The following NEDD4L variants were observed in gnomAD, a reference collection of about 807,000 sequenced individuals.
NEDD4L encodes the protein E3 ubiquitin-protein ligase NEDD4-like.
In NEDD4L, 54 loss-of-function variants were observed where a neutral mutation model predicts 148.9. That is an observed-to-expected ratio of 0.36 (90% confidence interval 0.29 to 0.45). The LOEUF is 0.45. Ranked by LOEUF, NEDD4L falls within the 20% of genes least tolerant of loss-of-function variation. NEDD4L has a pLI of 1.00. For missense variants in NEDD4L, 856 were observed against 1,233.8 expected, an observed-to-expected ratio of 0.69 and a Z score of 4.59; for synonymous variants, 433 against 440.7, an observed-to-expected ratio of 0.98 and a Z score of 0.22.
intron 5 of NEDD4L, among the ~76,000 whole-genome samples, chr18:58,285,397 C>T (rs1017131267): frequency 2.6e-5 from 4 of 151,372 alleles, no homozygotes; most frequent in Admixed American, 6.6e-5. Context: ...GGTGTGATCT[C>T]GGCTCACTGC....
intron 2 of NEDD4L, among the ~76,000 whole-genome samples, chr18:58,226,075 T>A (rs1000645543): frequency 3.3e-5 from 5 of 152,240 alleles, no homozygotes; most frequent in African/African-American, 1.2e-4. Context: ...AGCTATAAAC[T>A]CTTATGTATA....
intron 1 of NEDD4L, among the ~76,000 whole-genome samples, chr18:58,058,476 C>T (rs77244579): frequency 0.075 from 11,455 of 152,292 alleles, 578 homozygotes; most frequent in Middle Eastern, 0.19. Flanking sequence ...CAGTACCTCC[C>T]CATTCCCAGC....
intron 1 of NEDD4L, among the ~76,000 whole-genome samples, chr18:58,131,156 G>A (rs867359550): frequency 7.0e-4 from 95 of 136,630 alleles, no homozygotes; most frequent in African/African-American, 2.2e-3. Context: ...GTGATCTAGC[G>A]GAACTGTGGT....
In NEDD4L at chr18:58,255,412, ACCC is replaced by A. The variant is rs2048395026; in HGVS notation, c.297+3359_297+3361del. 4.4e-6 allele frequency: 4 copies of A among 917,888 alleles called. No individual in the cohort carries two copies. The East Asian group carries it at 1.4e-4, about 32-fold the overall frequency. 56.9% of individuals were successfully genotyped at this position (917,888 alleles called of 1,614,324 possible). A position where few individuals can be genotyped will look rare whatever the true frequency, so the allele number is the denominator to read the frequency against. ...GCGGTCATGTGGTTCTGGCCACCCT[ACCC>A]TCTGTCACAGTGTGGATGAGAGCTT... is the stretch of plus-strand genomic sequence containing the variant. On this transcript the variant is annotated intron_variant, in intron 5 of 30. Coordinates refer to ENST00000400345, the MANE Select transcript of NEDD4L (RefSeq NM_001144967.3).
intron 2 of NEDD4L, among the ~76,000 whole-genome samples, chr18:58,196,569 C>T (rs917214137): frequency 2.9e-4 from 44 of 152,158 alleles, no homozygotes; most frequent in African/African-American, 1.0e-3. Flanking sequence ...AAAACTGGCA[C>T]TTATGTTTTC....
intron 2 of NEDD4L, among the ~76,000 whole-genome samples, chr18:58,170,191 T>C (rs577083663): frequency 1.6e-4 from 24 of 152,186 alleles, no homozygotes; most frequent in African/African-American, 5.3e-4. Flanking sequence ...TTTGCCTGTG[T>C]TTTCCCCTCT....
chr18:58,235,157 A>G (rs1481760761), intron 2 of NEDD4L, among the ~76,000 whole-genome samples: 2 of 152,042 alleles, frequency 1.3e-5, no homozygotes, highest in African/African-American at 2.4e-5. Flanking sequence ...TTGATGCTTA[A>G]GTACACAGGA....
intron 5 of NEDD4L, among the ~76,000 whole-genome samples, chr18:58,302,393 A>T (rs1009250724): frequency 6.6e-6 from 1 of 152,170 alleles, no homozygotes; most frequent in African/African-American, 2.4e-5. Flanking sequence ...ACTTTCTAAC[A>T]TTCCATCCCA....
intron 5 of NEDD4L, among the ~76,000 whole-genome samples, chr18:58,260,736 C>A (rs886293671): frequency 6.6e-6 from 1 of 152,176 alleles, no homozygotes; most frequent in Admixed American, 6.5e-5. Flanking sequence ...CAGTTTAATG[C>A]TTCCTGTGAT....
Position 58,267,965 on chromosome 18 carries a change from C to T in NEDD4L, c.297+15911C>T, listed in dbSNP as rs548709071. Among the ~76,000 whole-genome samples the T allele has an allele frequency of 2.6e-5, 4 of 152,116 alleles. 1 individual carries two copies. In the South Asian group the frequency reaches 8.3e-4, roughly 32 times the overall value. ...GCATGTTTCCCTCAGTTTTGGAGGTCGTCGTTTTTTGCCCCTACTGTGGGG... is the reference window on the plus strand; with the variant it reads ...GCATGTTTCCCTCAGTTTTGGAGGTTGTCGTTTTTTGCCCCTACTGTGGGG... On this transcript the variant is annotated intron_variant, in intron 5 of 30. Transcript: ENST00000400345.
intron 1 of NEDD4L, among the ~76,000 whole-genome samples, chr18:58,066,206 C>T (rs552042735): frequency 6.6e-6 from 1 of 152,048 alleles, no homozygotes; most frequent in Non-Finnish European, 1.5e-5. Flanking sequence ...TTGGGTAAAC[C>T]GTTTTTGGAA....
chr18:58,282,333 G>T (rs1486136022), intron 5 of NEDD4L, among the ~76,000 whole-genome samples: 1 of 152,022 alleles, frequency 6.6e-6, no homozygotes, highest in Non-Finnish European at 1.5e-5. Flanking sequence ...GAAAGGGAGG[G>T]ATCGAATTAC....
intron 1 of NEDD4L, among the ~76,000 whole-genome samples, chr18:58,112,807 TA>T (rs2145690432): frequency 6.6e-6 from 1 of 152,332 alleles, no homozygotes; most frequent in South Asian, 2.1e-4. Context: ...TATACATTTT[TA>T]ATATAATGTG....
chr18:58,291,890 C>T (rs2054813892), intron 5 of NEDD4L, among the ~76,000 whole-genome samples: 2 of 152,182 alleles, frequency 1.3e-5, no homozygotes, highest in South Asian at 4.1e-4. Context: ...CAGCCACCCC[C>T]TTCCCAAACA....
intron 2 of NEDD4L, among the ~76,000 whole-genome samples, chr18:58,194,861 G>A (rs550227060): frequency 3.3e-5 from 5 of 152,328 alleles, no homozygotes; most frequent in African/African-American, 1.2e-4. Flanking sequence ...TGTAAAAAAA[G>A]CACATTGATT....
intron 4 of NEDD4L, among the ~76,000 whole-genome samples, chr18:58,249,777 A>AT (rs1390502456): frequency 6.6e-6 from 1 of 152,198 alleles, no homozygotes; most frequent in Non-Finnish European, 1.5e-5. Flanking sequence ...TCGCAATAGT[A>AT]TTTTTTGTGC....
chr18:58,349,659 C>T, intron 17 of NEDD4L, 45 bp downstream of exon 17: 1 of 1,439,210 alleles, frequency 6.9e-7, no homozygotes, highest in East Asian at 2.3e-5. Context: ...TATGTGTGTT[C>T]CTTTATCCGC....
At chr18:58,245,285 A>G in intron 2 of NEDD4L, 142 bp from the exon 3 acceptor site, 1 of 489,066 alleles carries the variant, frequency 2.0e-6, no homozygotes, top group Non-Finnish European at 3.7e-6. Flanking sequence ...CTTAGTAGAT[A>G]TGTTAAAAAG....
intron 5 of NEDD4L, among the ~76,000 whole-genome samples, chr18:58,303,145 A>T (rs1002843367): frequency 6.6e-6 from 1 of 152,218 alleles, no homozygotes; most frequent in Non-Finnish European, 1.5e-5. Context: ...AAGCATGGGC[A>T]CTTGAATTGT....
Sources: gnomAD v4.1 joint callset for allele counts (sites outside exome capture counted in the v4.1 genomes callset) on GRCh38, gnomAD v4.1.1 for gene constraint, MANE v1.5 for transcripts, NCBI Gene and HGNC (gene_info 2026-07-23, HGNC 2026-07-21) for gene names.